ARHGEF4: variants seen among roughly 807,000 people sequenced by gnomAD.
ARHGEF4 encodes Rho guanine nucleotide exchange factor 4.
ARHGEF4 carries 119 observed loss-of-function variants against 162.0 expected under a neutral mutation model. The observed-to-expected ratio is 0.73, with a 90% CI of 0.63 to 0.86. The LOEUF (loss-of-function observed/expected upper bound fraction) is 0.86. Ranked by LOEUF, ARHGEF4 falls within the 40% of genes least tolerant of loss-of-function variation. ARHGEF4 has a pLI of 0.00. For missense variants in ARHGEF4, 2,488 were observed against 2,456.0 expected (o/e 1.01, Z -0.28); for synonymous variants, 1,014 against 979.9 (o/e 1.03, Z -0.65).
Position 130,915,983 on chromosome 2 carries a change from T to A in ARHGEF4, c.2037T>A (p.Thr679=). 1 of 1,550,480 alleles carries A rather than the reference T, an allele frequency of 6.4e-7. No homozygotes were observed. The highest frequency in any genetic ancestry group is 8.7e-7 in the Non-Finnish European group (1 of 1,146,952). The change falls in exon 2 of 14, where the codon ACT becomes ACA. Residue 679 remains threonine, a synonymous_variant. Transcript: ENST00000409359. ...GCGAGACCCCCTGTGAGTCTCCCAC[T>A]AGGGGGAAAACACCAGCCGGTAATG... ...STGETPCESP[T]RGKTPAGNEC...
In ARHGEF4 at chr2:130,916,730, G is replaced by C. The variant is rs1332277034; in HGVS notation, c.2784G>C (p.Glu928Asp). 1.3e-6 allele frequency: 2 copies of C among 1,550,662 alleles called. No individual in the cohort carries two copies. The highest frequency in any genetic ancestry group is 2.4e-5 in the East Asian group (1 of 40,900). ...TTGAGTCAATAGTTCTAGAGAAAGA[G>C]AACACCCATGAACGTTCCCCAAGTT... ...NFIESIVLEK[E>D]NTHERSPSSP... The change falls in exon 2 of 14, where the codon GAG (glutamate) becomes GAC (aspartate). Residue 928 changes from glutamate to aspartate, a missense_variant. Transcript: ENST00000409359.
At chr2:130,976,080 T>G (rs1423311946) in intron 4 of ARHGEF4, among the ~76,000 whole-genome samples, 2 of 152,196 alleles carry the variant, frequency 1.3e-5, no homozygotes, top group Non-Finnish European at 2.9e-5. Flanking sequence ...CTGCTCGGAC[T>G]GCCTCCAGTC....
chr2:130,933,052 C>A (rs1682727441), intron 3 of ARHGEF4, among the ~76,000 whole-genome samples: 1 of 152,042 alleles, frequency 6.6e-6, no homozygotes, highest in Non-Finnish European at 1.5e-5. Flanking sequence ...CCTGTTTCTA[C>A]TAAAAATACA....
At chr2:130,995,390 T>C (rs1279943790) in intron 4 of ARHGEF4, among the ~76,000 whole-genome samples, 2 of 152,204 alleles carry the variant, frequency 1.3e-5, no homozygotes, top group Admixed American at 1.3e-4. Flanking sequence ...TACTTCTCCA[T>C]TGAGATAGTC....
intron 1 of ARHGEF4, among the ~76,000 whole-genome samples, chr2:130,851,656 G>T (rs1278530892): frequency 6.6e-6 from 1 of 152,238 alleles, no homozygotes; most frequent in Non-Finnish European, 1.5e-5. Flanking sequence ...GTCACATGAA[G>T]AAGAAGGGTA....
intron 4 of ARHGEF4, among the ~76,000 whole-genome samples, chr2:130,954,329 C>T (rs1202606469): frequency 6.6e-6 from 1 of 152,204 alleles, no homozygotes; most frequent in Non-Finnish European, 1.5e-5. Flanking sequence ...TGCATGTTCT[C>T]ACTCATAGGT....
chr2:131,002,373 C>A lies in ARHGEF4; in HGVS notation c.3986-25572C>A, dbSNP rs376728979. ...CAGGCAGATCACGAGGTCAGGAGAT[C>A]GAGACCATCCTGGCTAACACGGTGA... is the stretch of plus-strand genomic sequence containing the variant. On this transcript the variant is annotated intron_variant, in intron 4 of 13. Transcript: ENST00000409359. 2.1e-3 allele frequency among the ~76,000 whole-genome samples: 324 copies of A among 152,052 alleles called. 1 individual carries two copies. The highest frequency in any genetic ancestry group is 3.9e-3 in the South Asian group (19 of 4,816).
chr2:131,041,740 G>T (rs919577619), intron 9 of ARHGEF4, 75 bp from the exon 10 acceptor site: 17 of 1,557,332 alleles, frequency 1.1e-5, no homozygotes, highest in Admixed American at 3.6e-5. Flanking sequence ...AGCTCCACAC[G>T]TGGGGGCTGC....
At chr2:131,040,946 A>C (rs1573704288) in intron 8 of ARHGEF4, among the ~76,000 whole-genome samples, 1 of 148,560 alleles carries the variant, frequency 6.7e-6, no homozygotes, top group Admixed American at 6.7e-5. Flanking sequence ...ACCCCCTACC[A>C]CCGCCGCTTT....
At position 130,915,726 on chromosome 2, in the gene ARHGEF4, G is replaced by T; in HGVS notation, c.1780G>T (p.Val594Leu). 1 of 1,549,194 alleles carries T rather than the reference G, an allele frequency of 6.5e-7. No individual in the cohort carries two copies. Among genetic ancestry groups the T allele is most frequent in the Non-Finnish European group, 8.7e-7 (1 of 1,146,116 alleles). Residue 594 changes from valine (V) to leucine (L), a missense_variant, in exon 2 of 14, where the codon GTG (valine) becomes TTG (leucine). Physicochemically the swap from Val to Leu is conservative, Grantham distance 32. Transcript: ENST00000409359. ...QGLSEFKAAT[V>L]SHCGPGAEEG... ...TCTTTCAGAATTCAAGGCAGCCACG[G>T]TGTCTCACTGCGGCCCCGGGGCTGA...
chr2:130,994,935 G>A (rs1687282288), intron 4 of ARHGEF4, among the ~76,000 whole-genome samples: 1 of 152,150 alleles, frequency 6.6e-6, no homozygotes, highest in African/African-American at 2.4e-5. Context: ...GAGTCAGCCT[G>A]ACTCCTCCTC....
At chr2:130,930,891 G>C in intron 2 of ARHGEF4, 61 bp from the exon 3 acceptor site, 1 of 1,488,174 alleles carries the variant, frequency 6.7e-7, no homozygotes, top group Non-Finnish European at 9.1e-7. Flanking sequence ...GAAGGACAGC[G>C]TGTTCCCAGT....
intron 5 of ARHGEF4, chr2:131,035,516 G>A (rs1290552143): frequency 9.1e-6 from 4 of 438,582 alleles, no homozygotes; most frequent in Non-Finnish European, 1.3e-5. Flanking sequence ...AGGCCAAAAT[G>A]GCGCGTCTCT....
At chr2:131,041,152 T>C (rs1573704912) in intron 8 of ARHGEF4, 78 bp from the exon 9 acceptor site, 1 of 1,392,792 alleles carries the variant, frequency 7.2e-7, no homozygotes, top group South Asian at 1.3e-5. Flanking sequence ...GTAGAGGCTC[T>C]TGCCCTTCCC....
rs1690640148 is a variant in ARHGEF4 at position 131,039,937 on chromosome 2, G to A, written c.4306-79G>A. On this transcript the variant is annotated intron_variant, in intron 6 of 13. Transcript: ENST00000409359. The stretch of plus-strand genomic sequence containing the variant: ...CACCCTGCGGGGCCTCCGAGGCCCG[G>A]TTCCCGCCGCTGCGGCGCAGGGCGC... The A allele has an allele frequency of 1.7e-5, 26 of 1,507,060 alleles. No individual in the cohort carries two copies. In the South Asian group the frequency reaches 3.1e-4, roughly 18 times the overall value. 93.4% of individuals were successfully genotyped at this position (1,507,060 alleles called of 1,614,324 possible).
chr2:130,957,410 T>G (rs1365825151), intron 4 of ARHGEF4, among the ~76,000 whole-genome samples: 1 of 152,162 alleles, frequency 6.6e-6, no homozygotes, highest in Non-Finnish European at 1.5e-5. Flanking sequence ...TATATGAAAT[T>G]CTTGAAAGAC....
At chr2:131,005,738 T>TG (rs373777547) in intron 4 of ARHGEF4, among the ~76,000 whole-genome samples, 126 of 152,122 alleles carry the variant, frequency 8.3e-4, no homozygotes, top group African/African-American at 3.0e-3. Context: ...GTGTGGGCAC[T>TG]GGGGGGAGAT....
chr2:130,916,477 A>T lies in ARHGEF4; in HGVS notation c.2531A>T (p.Asp844Val). 1 of 1,545,254 alleles carries T rather than the reference A, an allele frequency of 6.5e-7. No individual in the cohort carries two copies. Residue 844 changes from aspartate (D) to valine (V), a missense_variant, in exon 2 of 14, where the codon GAC becomes GTC. Asp to Val is a radical substitution (Grantham distance 152). Coordinates refer to ENST00000409359, the MANE Select transcript of ARHGEF4 (RefSeq NM_001367493.1). Reference sequence around the variant, plus strand: ...AATCCGCCCGCTGCGGCCGGTCGGGACGCACCGCCTCTGCACCACGGGGAC... The same window carrying T: ...AATCCGCCCGCTGCGGCCGGTCGGGTCGCACCGCCTCTGCACCACGGGGAC... ...RENPPAAAGR[D>V]APPLHHGDAS... is the part of the protein sequence containing the mutation.
intron 4 of ARHGEF4, among the ~76,000 whole-genome samples, chr2:130,993,662 TTC>T (rs1687197096): frequency 6.6e-6 from 1 of 152,190 alleles, no homozygotes; most frequent in South Asian, 2.1e-4. Context: ...TTAAATGTTT[TTC>T]TTTTTCTCTG....
Sources: allele counts gnomAD v4.1 joint callset (sites outside exome capture counted in the v4.1 genomes callset), GRCh38; gene constraint gnomAD v4.1.1; transcripts MANE v1.5; gene names NCBI Gene and HGNC (gene_info 2026-07-23, HGNC 2026-07-21).